TBCK: variants seen among roughly 807,000 people sequenced by gnomAD.
The protein encoded by TBCK is TBC domain-containing protein kinase-like protein.
In TBCK, 99 loss-of-function variants were observed where a neutral mutation model predicts 113.4. The observed-to-expected ratio is 0.87, with a 90% confidence interval of 0.74 to 1.03. TBCK has a LOEUF of 1.03. Ranked by LOEUF, TBCK falls within the 50% of genes least tolerant of loss-of-function variation. The pLI, the probability that TBCK is intolerant of heterozygous loss-of-function variation, is 0.00. For missense variants in TBCK, 1,045 were observed against 1,061.3 expected (o/e 0.98, Z 0.21); for synonymous variants, 369 against 370.8 (o/e 1.00, Z 0.05).
chr4:106,249,494 G>A (rs1761197215), intron 7 of TBCK, among the ~76,000 whole-genome samples: 2 of 152,162 alleles, frequency 1.3e-5, no homozygotes, highest in South Asian at 4.1e-4. Context: ...GTACATGTGA[G>A]GGTGCTAGAA....
chr4:106,109,836 C>G (rs1742616428), intron 24 of TBCK, among the ~76,000 whole-genome samples: 1 of 152,128 alleles, frequency 6.6e-6, no homozygotes, highest in South Asian at 2.1e-4. Context: ...AGTAAACAGA[C>G]TGTAGGAGAT....
At chr4:106,226,761 G>C (rs1235228988) in intron 19 of TBCK, among the ~76,000 whole-genome samples, 1 of 152,128 alleles carries the variant, frequency 6.6e-6, no homozygotes, top group African/African-American at 2.4e-5. Flanking sequence ...ATTACCCAAG[G>C]TTTTATTAAA....
intron 22 of TBCK, among the ~76,000 whole-genome samples, chr4:106,177,168 A>T (rs1008717294): frequency 6.6e-6 from 1 of 151,830 alleles, no homozygotes; most frequent in Non-Finnish European, 1.5e-5. Flanking sequence ...GTCTATTCAG[A>T]TCATCTACCC....
At position 106,092,634 on chromosome 4, in the gene TBCK, G is replaced by C. The variant is rs879198711; in HGVS notation, c.2571+2848C>G. Among the ~76,000 whole-genome samples, 4 of 152,246 alleles carry C rather than the reference G, an allele frequency of 2.6e-5. 1 individual carries two copies. Among genetic ancestry groups the C allele is most frequent in the Admixed American group, 2.6e-4 (4 of 15,288 alleles). ...GGGACCTGGCGCACCCTCCGCAGCTGCTGGCCTGAGTGCTAAGCCCCTCAC... is the reference window on the plus strand; with the variant it reads ...GGGACCTGGCGCACCCTCCGCAGCTCCTGGCCTGAGTGCTAAGCCCCTCAC... On this transcript the variant is annotated intron_variant, in intron 25 of 25. Transcript: ENST00000394708.
At chr4:106,215,366 G>A (rs963575197) in intron 19 of TBCK, among the ~76,000 whole-genome samples, 7 of 151,778 alleles carry the variant, frequency 4.6e-5, no homozygotes, top group East Asian at 2.0e-4. Context: ...CACATAACAC[G>A]ATTAACTTTA....
At chr4:106,219,301 C>T (rs1290920864) in intron 19 of TBCK, among the ~76,000 whole-genome samples, 5 of 151,066 alleles carry the variant, frequency 3.3e-5, no homozygotes, top group Non-Finnish European at 5.9e-5. Context: ...AGCACACCAG[C>T]ATGGCACATG....
At chr4:106,099,558 G>T (rs1741308442) in intron 24 of TBCK, among the ~76,000 whole-genome samples, 1 of 151,996 alleles carries the variant, frequency 6.6e-6, no homozygotes, top group African/African-American at 2.4e-5. Context: ...AGCATTAACT[G>T]ATATAAAAAT....
chr4:106,215,609 G>A (rs2149909091), intron 19 of TBCK, among the ~76,000 whole-genome samples: 2 of 152,270 alleles, frequency 1.3e-5, no homozygotes, highest in East Asian at 1.9e-4. Flanking sequence ...AAGATCAAAA[G>A]AGACAAAGAA....
rs532862191 is a variant in TBCK at position 106,235,347 on chromosome 4, G to C, written c.1371C>G (p.Asn457Lys). 4.4e-6 allele frequency: 7 copies of C among 1,606,466 alleles called. No homozygotes were observed. Among genetic ancestry groups the C allele is most frequent in the Non-Finnish European group, 6.0e-6 (7 of 1,176,304 alleles). ...RLLKAYPYKK[N>K]QIWKEARVDI... Reference sequence around the variant, plus strand: ...CAACTCTTGCTTCTTTCCAGATTTGGTTTTTTTTATATGGATAAGCCTATG... The same window carrying C: ...CAACTCTTGCTTCTTTCCAGATTTGCTTTTTTTTATATGGATAAGCCTATG... The change falls in exon 15 of 26, where the codon AAC becomes AAG. Residue 457 changes from asparagine to lysine, a missense_variant. Physicochemically the swap from Asn to Lys is moderately conservative, Grantham distance 94. Transcript: ENST00000394708.
chr4:106,160,604 C>A (rs1193660467), intron 23 of TBCK, among the ~76,000 whole-genome samples: 1 of 151,502 alleles, frequency 6.6e-6, no homozygotes, highest in African/African-American at 2.4e-5. Flanking sequence ...GAAAAAAAAT[C>A]AAAATAGAAA....
intron 22 of TBCK, among the ~76,000 whole-genome samples, chr4:106,188,422 T>A: frequency 6.6e-6 from 1 of 152,148 alleles, no homozygotes; most frequent in Non-Finnish European, 1.5e-5. Flanking sequence ...AAGGCACATA[T>A]AAACATTCAA....
At chr4:106,166,710 A>G (rs1750410530) in intron 23 of TBCK, among the ~76,000 whole-genome samples, 1 of 151,772 alleles carries the variant, frequency 6.6e-6, no homozygotes, top group Non-Finnish European at 1.5e-5. Flanking sequence ...AAATATAGCC[A>G]GTATGTCTTT....
intron 23 of TBCK, among the ~76,000 whole-genome samples, chr4:106,127,616 T>C (rs540809024): frequency 2.4e-4 from 36 of 152,236 alleles, no homozygotes; most frequent in African/African-American, 7.9e-4. Flanking sequence ...TACATGTTCA[T>C]AGGCCTAAGT....
At chr4:106,058,876 G>A (rs1735726744) in intron 25 of TBCK, among the ~76,000 whole-genome samples, 1 of 151,652 alleles carries the variant, frequency 6.6e-6, no homozygotes, top group African/African-American at 2.4e-5. Context: ...GGAACAGTGG[G>A]GAGCTGCAGT....
At chr4:106,112,708 C>T (rs979945309) in intron 24 of TBCK, among the ~76,000 whole-genome samples, 2 of 152,148 alleles carry the variant, frequency 1.3e-5, no homozygotes, top group African/African-American at 4.8e-5. Flanking sequence ...ACATACACAT[C>T]CTATTTTTAT....
intron 3 of TBCK, among the ~76,000 whole-genome samples, chr4:106,279,611 T>C (rs1180849231): frequency 6.6e-6 from 1 of 152,126 alleles, no homozygotes; most frequent in Admixed American, 6.5e-5. Context: ...ACAGCCCCAC[T>C]ACCCTTTCCA....
At chr4:106,239,824 CAT>C (rs1202796369) in intron 12 of TBCK, among the ~76,000 whole-genome samples, 1 of 146,510 alleles carries the variant, frequency 6.8e-6, no homozygotes, top group East Asian at 2.0e-4. Context: ...TACATGTAAT[CAT>C]ATAAAGTCTT....
chr4:106,180,202 ATAAT>A (rs1472063961), intron 22 of TBCK, among the ~76,000 whole-genome samples: 3 of 151,784 alleles, frequency 2.0e-5, no homozygotes, highest in South Asian at 2.1e-4. Context: ...TTTTTATTGG[ATAAT>A]TAATTTAATT....
chr4:106,134,257 C>T (rs1264009560), intron 23 of TBCK, among the ~76,000 whole-genome samples: 1 of 151,576 alleles, frequency 6.6e-6, no homozygotes, highest in East Asian at 1.9e-4. Context: ...CACAGAGAGC[C>T]AGGTACACCA....
Sources: gnomAD v4.1 joint callset for allele counts (sites outside exome capture counted in the v4.1 genomes callset) on GRCh38, gnomAD v4.1.1 for gene constraint, MANE v1.5 for transcripts, NCBI Gene and HGNC (gene_info 2026-07-23, HGNC 2026-07-21) for gene names.